Variants in PIAS4 observed in about 807,000 individuals in gnomAD.
PIAS4 encodes protein inhibitor of activated STAT 4.
In PIAS4, 7 loss-of-function variants were observed where a neutral mutation model predicts 58.0. That is an observed-to-expected ratio of 0.12 (90% confidence interval 0.07 to 0.23). The LOEUF (loss-of-function observed/expected upper bound fraction) is 0.23. Ranked by LOEUF, PIAS4 falls within the 10% of genes least tolerant of loss-of-function variation. The pLI is 1.00. For synonymous variants in PIAS4, 364 were observed against 312.4 expected (o/e 1.17, Z -1.74); for missense variants, 550 against 709.5 (o/e 0.78, Z 2.55).
At chr19:4,018,200 C>T (rs1280286844) in intron 2 of PIAS4, among the ~76,000 whole-genome samples, 2 of 152,258 alleles carry the variant, frequency 1.3e-5, no homozygotes, top group Non-Finnish European at 2.9e-5. Flanking sequence ...GAGTCAACAG[C>T]AGAGCAGTCC....
chr19:4,007,853 C>G, intron 1 of PIAS4, 66 bp downstream of exon 1: 4 of 1,152,080 alleles, frequency 3.5e-6, no homozygotes, highest in Non-Finnish European at 4.3e-6. Flanking sequence ...GGCCGCAGGT[C>G]GAGGTCTGCG....
rs61729790 is a variant in PIAS4 at position 4,012,973 on chromosome 19, C to T, written c.78C>T (p.Phe26=). The T allele has an allele frequency of 0.016, 25,203 of 1,613,572 alleles. 3,476 individuals are homozygous for T. The African/African-American group carries it at 0.3, about 19-fold the overall frequency. Residue 26 remains phenylalanine (F), a synonymous_variant, in exon 2 of 11, where the codon TTC becomes TTT. Transcript: ENST00000262971. ...RVSDLQMLLG[F]VGRSKSGLKH... is the part of the protein sequence containing the mutation. ...CCGACCTTCAGATGCTCCTGGGTTT[C>T]GTGGGCCGGAGTAAGAGTGGACTGA...
chr19:4,019,993 T>C (rs950190105), intron 2 of PIAS4, among the ~76,000 whole-genome samples: 6 of 151,570 alleles, frequency 4.0e-5, no homozygotes, highest in African/African-American at 1.5e-4. Context: ...CTCAGCTCAC[T>C]GCAAGCTCCG....
chr19:4,023,764 C>T lies in PIAS4; in HGVS notation c.455-272C>T, dbSNP rs376550739. On this transcript the variant is annotated intron_variant, in intron 2 of 10. Coordinates refer to ENST00000262971, the MANE Select transcript of PIAS4 (RefSeq NM_015897.4). ...GGCACTTTTCGGTTTCCTAAGTAGA[C>T]GCCTGCATCCCACAGGCTGCGAAGG... Among the ~76,000 whole-genome samples the T allele has an allele frequency of 7.0e-4, 107 of 152,330 alleles. No homozygotes were observed. The East Asian group carries it at 7.5e-3, about 11-fold the overall frequency.
intron 2 of PIAS4, among the ~76,000 whole-genome samples, chr19:4,022,753 A>C (rs556059627): frequency 1.3e-5 from 2 of 150,792 alleles, no homozygotes; most frequent in Admixed American, 6.6e-5. Flanking sequence ...ACTCACTGCA[A>C]CCTTTGCCTC....
intron 1 of PIAS4, among the ~76,000 whole-genome samples, chr19:4,012,508 TTA>T (rs1379272478): frequency 6.6e-6 from 1 of 152,066 alleles, no homozygotes; most frequent in Non-Finnish European, 1.5e-5. Flanking sequence ...AGCCAGTGCT[TTA>T]TGTCATTATC....
chr19:4,010,387 G>A (rs935658708), intron 1 of PIAS4, among the ~76,000 whole-genome samples: 12 of 152,222 alleles, frequency 7.9e-5, no homozygotes, highest in Non-Finnish European at 1.0e-4. Context: ...ACCTGCCTTC[G>A]GCCAGTCTGC....
At chr19:4,029,079 C>G in intron 7 of PIAS4, 43 bp downstream of exon 7, 1 of 1,402,000 alleles carries the variant, frequency 7.1e-7, no homozygotes, top group Non-Finnish European at 9.9e-7. Context: ...GCCAAGTCCA[C>G]CCTGGAAACC....
At chr19:4,012,808 G>A in intron 1 of PIAS4, 115 bp from the exon 2 acceptor site, 3 of 1,193,822 alleles carry the variant, frequency 2.5e-6, no homozygotes, top group South Asian at 3.0e-5. Context: ...GCCAAGGCTG[G>A]CGCTTCCTGG....
At chr19:4,033,954 C>T (rs1218407016) in intron 9 of PIAS4, among the ~76,000 whole-genome samples, 1 of 152,126 alleles carries the variant, frequency 6.6e-6, no homozygotes, top group African/African-American at 2.4e-5. Context: ...TGGGGGTGAC[C>T]TCCTCACAGA....
At chr19:4,023,459 CCAAAA>C (rs112254507) in intron 2 of PIAS4, among the ~76,000 whole-genome samples, 196 of 152,252 alleles carry the variant, frequency 1.3e-3, no homozygotes, top group African/African-American at 2.9e-3. Flanking sequence ...AACTCCATCT[CCAAAA>C]CAAAACAAAA....
Position 4,037,325 on chromosome 19 carries a change from G to A in PIAS4, c.1143-49G>A, listed in dbSNP as rs373276420. 10 of 1,566,496 alleles carry A rather than the reference G, an allele frequency of 6.4e-6. No homozygotes were observed. The South Asian group carries it at 7.0e-5, about 11-fold the overall frequency. On this transcript the variant is annotated intron_variant, in intron 9 of 10. Transcript: ENST00000262971. The surrounding 1 kb of genome is among the most constrained non-coding windows in gnomAD (Gnocchi z 5.8). ...GAGGGATGGAGGGCTGGGGAGTTGG[G>A]GGGGTGGGGCACCTCCAGCCCCGGC...
intron 9 of PIAS4, among the ~76,000 whole-genome samples, chr19:4,035,075 A>C (rs1356287002): frequency 3.3e-5 from 5 of 152,076 alleles, no homozygotes; most frequent in Non-Finnish European, 2.9e-5. Flanking sequence ...TTTTGCAAGC[A>C]GGGAAGTGGG....
intron 2 of PIAS4, among the ~76,000 whole-genome samples, chr19:4,014,269 C>G (rs1187119102): frequency 6.6e-6 from 1 of 152,166 alleles, no homozygotes. Context: ...ACCTCATAGC[C>G]CACAGCAGTG....
At position 4,030,770 on chromosome 19, in the gene PIAS4, C is replaced by G. The variant is rs184874899; in HGVS notation, c.907+1734C>G. ...GGCCTTCTCTGGTGGCCACTGTCTT[C>G]AGGAGAATAGATCTGAGCCATCTTG... On this transcript the variant is annotated intron_variant, in intron 7 of 10. Transcript: ENST00000262971. 1.8e-4 allele frequency among the ~76,000 whole-genome samples: 28 copies of G among 152,322 alleles called. No homozygotes were observed. In the East Asian group the frequency reaches 5.4e-3, roughly 29 times the overall value.
chr19:4,009,893 G>A lies in PIAS4; in HGVS notation c.27+2106G>A, dbSNP rs149659160. On this transcript the variant is annotated intron_variant, in intron 1 of 10. Coordinates refer to ENST00000262971, the MANE Select transcript of PIAS4 (RefSeq NM_015897.4). ...GGGTTTGGGGCAGGGGTGTCTGTGA[G>A]CTCCCTGAAATAGTCCACAGCGTTT... Among the ~76,000 whole-genome samples the A allele has an allele frequency of 9.1e-4, 139 of 152,242 alleles. 1 individual carries two copies. The highest frequency in any genetic ancestry group is 3.3e-3 in the African/African-American group (136 of 41,546).
rs573461523 is a variant in PIAS4, at chr19:4,009,160, C to T, written c.27+1373C>T. Among the ~76,000 whole-genome samples, 4 of 152,170 alleles carry T rather than the reference C, an allele frequency of 2.6e-5. No individual in the cohort carries two copies. In the East Asian group the frequency reaches 5.8e-4, roughly 22 times the overall value. ...CTCCCTCCCCCATCCCCTTTCACATCTTCCCTCCCCACGGTCCTGACCTGT... is the reference window on the plus strand; with the variant it reads ...CTCCCTCCCCCATCCCCTTTCACATTTTCCCTCCCCACGGTCCTGACCTGT... On this transcript the variant is annotated intron_variant, in intron 1 of 10. Coordinates refer to ENST00000262971, the MANE Select transcript of PIAS4 (RefSeq NM_015897.4).
intron 1 of PIAS4, among the ~76,000 whole-genome samples, chr19:4,011,064 C>A (rs1385088100): frequency 2.0e-5 from 3 of 152,244 alleles, no homozygotes; most frequent in Admixed American, 2.0e-4. Context: ...CCTGGTCTCA[C>A]CCTGGGGCAG....
At position 4,033,583 on chromosome 19, in the gene PIAS4, G is replaced by A; in HGVS notation, c.1142+3G>A. On this transcript the variant is annotated splice_donor_region_variant and intron_variant, in intron 9 of 10. Coordinates refer to ENST00000262971, the MANE Select transcript of PIAS4 (RefSeq NM_015897.4). ...TACGACCAGCTCATCATCGACGGGTGAGCCCGGGGCCCCGGGGAGGGCGGC... is the reference window on the plus strand; with the variant it reads ...TACGACCAGCTCATCATCGACGGGTAAGCCCGGGGCCCCGGGGAGGGCGGC... The A allele has an allele frequency of 6.2e-7, 1 of 1,600,218 alleles. No homozygotes were observed. The highest frequency in any genetic ancestry group is 8.5e-7 in the Non-Finnish European group (1 of 1,174,744).
Sources: gnomAD v4.1 joint callset for allele counts (sites outside exome capture counted in the v4.1 genomes callset) on GRCh38, gnomAD v4.1.1 for gene constraint, Gnocchi (gnomAD v3.1) non-coding constraint, MANE v1.5 for transcripts, NCBI Gene and HGNC (gene_info 2026-07-23, HGNC 2026-07-21) for gene names.